The following HIVEP1 variants were observed in gnomAD, a reference collection of about 807,000 sequenced individuals.
The protein encoded by HIVEP1 is zinc finger protein 40.
Under a neutral mutation model 180.0 loss-of-function variants are expected in HIVEP1, and 36 were observed. The observed-to-expected ratio is 0.20, with a 90% CI of 0.15 to 0.26. HIVEP1 has a LOEUF of 0.26. Among genes scored for constraint, HIVEP1 ranks in the 10% least tolerant of loss-of-function variants. The pLI is 1.00. For missense variants in HIVEP1, 3,143 were observed against 3,268.7 expected (o/e 0.96, Z 0.94); for synonymous variants, 1,239 against 1,239.0 (o/e 1.00, Z 0.00).
intron 2 of HIVEP1, 142 bp downstream of exon 2, chr6:12,015,810 C>T: frequency 1.5e-6 from 1 of 673,470 alleles, no homozygotes; most frequent in Non-Finnish European, 2.6e-6. Context: ...TCCAGCAGTC[C>T]TGCACAATTC....
At chr6:12,085,913 G>A (rs184966809) in intron 2 of HIVEP1, among the ~76,000 whole-genome samples, 13 of 152,066 alleles carry the variant, frequency 8.5e-5, no homozygotes, top group Admixed American at 6.5e-5. Flanking sequence ...TTTTCCTTTT[G>A]TTCAGTGGTT....
At chr6:12,012,010 G>C (rs1478995372), upstream of HIVEP1, 1 of 125,754 alleles carries the variant, frequency 8.0e-6, no homozygotes, top group Non-Finnish European at 1.7e-5. Context: ...TCCTCCCGCC[G>C]GCCCCAAAGA....
chr6:12,145,359 G>T (rs1759307576), intron 7 of HIVEP1, among the ~76,000 whole-genome samples: 1 of 152,048 alleles, frequency 6.6e-6, no homozygotes, highest in South Asian at 2.1e-4. Context: ...CACACCCTGG[G>T]GCCTGTCATG....
Position 12,122,581 on chromosome 6 carries a change from C to T in HIVEP1, c.2786C>T (p.Ala929Val), listed in dbSNP as rs745500329. 1.2e-6 allele frequency: 2 copies of T among 1,614,052 alleles called. No homozygotes were observed. Among genetic ancestry groups the T allele is most frequent in the East Asian group, 2.2e-5 (1 of 44,904 alleles). The change falls in exon 4 of 9, where the codon GCT (alanine) becomes GTT (valine). Residue 929 changes from alanine to valine, a missense_variant. Around this residue, in one of 12 missense-constraint regions of HIVEP1, gnomAD observed 204 missense variants for 243.7 expected, o/e 0.84. Transcript: ENST00000379388. The part of the protein sequence containing the change: ...LDESHQGCHA[A>V]GEAMSVRSKA... ...GAGAGCCACCAAGGATGCCATGCTG[C>T]TGGTGAAGCCATGTCAGTGAGGAGC...
At chr6:12,209,210 T>TATC in the HIVEP1 span, among the ~76,000 whole-genome samples, 1 of 152,312 alleles carries the variant, frequency 6.6e-6, no homozygotes, top group South Asian at 2.1e-4. Flanking sequence ...TTTTTCTCTA[T>TATC]ATCACAAGGT....
chr6:12,047,468 T>C (rs1352300662), intron 2 of HIVEP1, among the ~76,000 whole-genome samples: 1 of 152,236 alleles, frequency 6.6e-6, no homozygotes, highest in Admixed American at 6.5e-5. Flanking sequence ...CTGATTTGCC[T>C]GCATGTGCTG....
intron 7 of HIVEP1, among the ~76,000 whole-genome samples, chr6:12,143,488 C>T (rs1464122926): frequency 6.6e-6 from 1 of 152,148 alleles, no homozygotes; most frequent in Non-Finnish European, 1.5e-5. Flanking sequence ...GACAAGGATG[C>T]CCTCTCTCAC....
At chr6:12,078,700 A>G (rs71533613) in intron 2 of HIVEP1, among the ~76,000 whole-genome samples, 19,529 of 146,284 alleles carry the variant, frequency 0.13, 1,670 homozygotes, top group Non-Finnish European at 0.21. Context: ...ATATAAACAT[A>G]TATATAAACA....
chr6:12,148,403 C>G (rs554185408), intron 7 of HIVEP1, among the ~76,000 whole-genome samples: 1 of 152,356 alleles, frequency 6.6e-6, no homozygotes, highest in South Asian at 2.1e-4. Context: ...TGTAAAGCCT[C>G]TGCCATTCTT....
downstream of HIVEP1, among the ~76,000 whole-genome samples, chr6:12,165,613 A>G (rs561621403): frequency 1.3e-4 from 20 of 152,358 alleles, no homozygotes; most frequent in Middle Eastern, 3.4e-3. Flanking sequence ...GGAGCCCCCA[A>G]TTACCAGTGC....
upstream of HIVEP1, among the ~76,000 whole-genome samples, chr6:12,011,663 C>T (rs1581476181): frequency 6.7e-6 from 1 of 148,824 alleles, no homozygotes; most frequent in East Asian, 2.0e-4. Context: ...GGCGAAGCGG[C>T]GGGTAGGTGG....
intron 2 of HIVEP1, chr6:12,038,726 AACCACC>A (rs199620491): frequency 1.6e-4 from 25 of 152,544 alleles, no homozygotes; most frequent in African/African-American, 5.8e-4. Context: ...AACAACAAAG[AACCACC>A]ACCACCACCA....
chr6:12,103,544 CCA>C (rs1466368763), intron 3 of HIVEP1, among the ~76,000 whole-genome samples: 1 of 151,660 alleles, frequency 6.6e-6, no homozygotes. Flanking sequence ...AATGGCTGTG[CCA>C]CACATGGAGA....
chr6:12,146,055 G>C (rs942653595), intron 7 of HIVEP1, among the ~76,000 whole-genome samples: 1 of 152,170 alleles, frequency 6.6e-6, no homozygotes, highest in Non-Finnish European at 1.5e-5. Flanking sequence ...CAGGAGAAAT[G>C]GGGTAAACCT....
chr6:12,146,867 T>G (rs1759405116), intron 7 of HIVEP1, among the ~76,000 whole-genome samples: 1 of 152,126 alleles, frequency 6.6e-6, no homozygotes, highest in East Asian at 1.9e-4. Context: ...TGATGTGGCA[T>G]GAGCCCAAAT....
chr6:12,015,194 G>T (rs536448721), intron 1 of HIVEP1, among the ~76,000 whole-genome samples: 1 of 151,930 alleles, frequency 6.6e-6, no homozygotes, highest in Non-Finnish European at 1.5e-5. Flanking sequence ...CCCTATGAAT[G>T]GGCAGATTTA....
intron 3 of HIVEP1, among the ~76,000 whole-genome samples, chr6:12,091,264 T>G (rs1329547639): frequency 6.6e-6 from 1 of 152,170 alleles, no homozygotes; most frequent in South Asian, 2.1e-4. Flanking sequence ...TTATGGTAAG[T>G]CATCTACAAT....
chr6:12,172,523 T>A, the HIVEP1 span, among the ~76,000 whole-genome samples: 69 of 152,328 alleles, frequency 4.5e-4, no homozygotes, highest in African/African-American at 1.6e-3. Context: ...CAAAGAGATA[T>A]TGATAAATGA....
chr6:12,017,506 CCA>C (rs956658237), intron 2 of HIVEP1, among the ~76,000 whole-genome samples: 8 of 152,192 alleles, frequency 5.3e-5, no homozygotes, highest in Non-Finnish European at 4.4e-5. Context: ...AACAAAGCTT[CCA>C]CAGTCTGCAA....
Sources: gnomAD v4.1 joint callset for allele counts (sites outside exome capture counted in the v4.1 genomes callset) on GRCh38, gnomAD v4.1.1 for gene constraint, gnomAD v4.1.1 regional missense constraint, MANE v1.5 for transcripts, NCBI Gene and HGNC (gene_info 2026-07-23, HGNC 2026-07-21) for gene names.